TXNL4A: variants seen among roughly 807,000 people sequenced by gnomAD.
TXNL4A encodes thioredoxin-like protein 4A.
Under a neutral mutation model 14.6 loss-of-function variants are expected in TXNL4A, and 17 were observed. The ratio of observed to expected loss-of-function variants is 1.16; its 90% CI spans 0.80 to 1.74. The LOEUF (loss-of-function observed/expected upper bound fraction) is 1.74, where lower values mean the gene tolerates loss of function less well. Ranked by LOEUF, TXNL4A falls within the 40% of genes most tolerant of loss-of-function variation. The pLI is 0.00. For synonymous variants in TXNL4A, 83 were observed against 70.6 expected (o/e 1.18, Z -0.88); for missense variants, 74 against 195.2 (o/e 0.38, Z 3.70).
intron 1 of TXNL4A, among the ~76,000 whole-genome samples, chr18:80,018,699 A>G (rs1169751116): frequency 6.6e-6 from 1 of 152,244 alleles, no homozygotes; most frequent in East Asian, 1.9e-4. Flanking sequence ...AGAGAATACT[A>G]CAAACACCTC....
intron 1 of TXNL4A, among the ~76,000 whole-genome samples, chr18:80,032,150 T>C (rs2051925615): frequency 6.6e-6 from 1 of 152,136 alleles, no homozygotes; most frequent in South Asian, 2.1e-4. Context: ...TTTTTTCCTT[T>C]CCTCCCTATT....
chr18:79,998,527 T>C (rs1221751525), intron 1 of TXNL4A, among the ~76,000 whole-genome samples: 4 of 150,378 alleles, frequency 2.7e-5, no homozygotes, highest in African/African-American at 9.8e-5. Context: ...TCCAGGGTAC[T>C]GATCCAGAAA....
At chr18:80,019,156 C>T (rs4799123) in intron 1 of TXNL4A, among the ~76,000 whole-genome samples, 71,106 of 151,992 alleles carry the variant, frequency 0.47, 17,246 homozygotes, top group East Asian at 0.75. Flanking sequence ...CAGCAACACC[C>T]GACTCTACTG....
upstream of TXNL4A, among the ~76,000 whole-genome samples, chr18:79,991,468 C>G (rs1263916883): frequency 6.6e-6 from 1 of 151,980 alleles, no homozygotes; most frequent in African/African-American, 2.4e-5. Flanking sequence ...TTTTTAATTG[C>G]TGATGAATAT....
rs976786430 is a variant in TXNL4A at position 79,982,252 on chromosome 18, G to A, written c.154-4551C>T. 1.2e-4 allele frequency among the ~76,000 whole-genome samples: 18 copies of A among 152,172 alleles called. No individual in the cohort carries two copies. Among genetic ancestry groups the A allele is most frequent in the Non-Finnish European group, 2.9e-5 (2 of 68,026 alleles). On this transcript the variant is annotated intron_variant, in intron 1 of 2. Transcript: ENST00000269601. This position sits in a 1 kb window ranked among gnomAD's most constrained non-coding sequence, Gnocchi z 4.0. ...GGACAGTGGGGACCGATGCGCAGGT[G>A]GACTGGCCCACAGAGGACCTTTTCC... is the stretch of plus-strand genomic sequence containing the variant.
intron 2 of TXNL4A, among the ~76,000 whole-genome samples, chr18:79,975,347 T>C (rs887300359): frequency 6.6e-6 from 1 of 152,194 alleles, no homozygotes; most frequent in East Asian, 1.9e-4. Flanking sequence ...AAAGTACCGT[T>C]TGTCTTAAAA....
chr18:79,988,624 T>C (rs115904884), upstream of TXNL4A: 3,261 of 367,656 alleles, frequency 8.9e-3, 96 homozygotes, highest in African/African-American at 0.064. Flanking sequence ...GCGCCGTGCG[T>C]GCTGACGGCA....
At chr18:80,001,079 C>CG in intron 1 of TXNL4A, among the ~76,000 whole-genome samples, 1 of 152,336 alleles carries the variant, frequency 6.6e-6, no homozygotes, top group East Asian at 1.9e-4. Context: ...CAGGGCCCCC[C>CG]TGCTGTGTGC....
Position 79,988,563 on chromosome 18 carries a change from T to G in TXNL4A, c.-171A>C. 3.1e-6 allele frequency: 2 copies of G among 653,408 alleles called. No homozygotes were observed. The highest frequency in any genetic ancestry group is 4.3e-6 in the Non-Finnish European group (2 of 461,688). 40.5% of individuals were successfully genotyped at this position (653,408 alleles called of 1,614,324 possible). A position where few individuals can be genotyped will look rare whatever the true frequency, so the allele number is the denominator to read the frequency against. ...TGGGACTGCCACCCGGCAGAACGTCTGGGCGCGCACGCACCGACGCCGTGC... is the reference window on the plus strand; with the variant it reads ...TGGGACTGCCACCCGGCAGAACGTCGGGGCGCGCACGCACCGACGCCGTGC... On this transcript the variant is annotated 5_prime_UTR_variant, in exon 1 of 3. Coordinates refer to ENST00000269601, the MANE Select transcript of TXNL4A (RefSeq NM_006701.5).
upstream of TXNL4A, among the ~76,000 whole-genome samples, chr18:79,990,825 C>T (rs929423018): frequency 6.6e-6 from 1 of 152,196 alleles, no homozygotes; most frequent in Non-Finnish European, 1.5e-5. Context: ...AAACTTTTGG[C>T]CGGGCGCGGT....
chr18:80,024,939 A>T (rs140641200), intron 1 of TXNL4A, among the ~76,000 whole-genome samples: 40 of 152,380 alleles, frequency 2.6e-4, no homozygotes, highest in Non-Finnish European at 2.8e-4. Context: ...CAAGTCCTCT[A>T]AGACCCCAGC....
At chr18:79,998,355 G>T (rs1003513923) in intron 1 of TXNL4A, among the ~76,000 whole-genome samples, 2 of 151,818 alleles carry the variant, frequency 1.3e-5, no homozygotes, top group Non-Finnish European at 2.9e-5. Flanking sequence ...ACCTCTCTAT[G>T]CATACCTAAA....
intron 2 of TXNL4A, chr18:79,976,785 TAACTA>T (rs981154231): frequency 2.2e-6 from 1 of 456,120 alleles, no homozygotes; most frequent in African/African-American, 2.0e-5. Flanking sequence ...ACCTCTATGG[TAACTA>T]AACAAGTAAA....
At chr18:79,981,934 C>A (rs1484887860) in intron 1 of TXNL4A, among the ~76,000 whole-genome samples, 2 of 144,272 alleles carry the variant, frequency 1.4e-5, no homozygotes, top group Non-Finnish European at 3.1e-5. Context: ...TCTTTCAACA[C>A]CTCTAAATAG....
chr18:79,998,360 C>T (rs1276682303), intron 1 of TXNL4A, among the ~76,000 whole-genome samples: 1 of 151,914 alleles, frequency 6.6e-6, no homozygotes, highest in Non-Finnish European at 1.5e-5. Flanking sequence ...TCTATGCATA[C>T]CTAAAAAATG....
At chr18:79,993,558 G>A (rs189252113), upstream of TXNL4A, among the ~76,000 whole-genome samples, 4 of 152,268 alleles carry the variant, frequency 2.6e-5, no homozygotes, top group East Asian at 3.9e-4. This position sits in a 1 kb window ranked among gnomAD's most constrained non-coding sequence, Gnocchi z 4.4. Flanking sequence ...TATAATTTGC[G>A]TGATCACTGT....
Position 79,977,734 on chromosome 18 carries a change from A to G in TXNL4A, c.154-33T>C, listed in dbSNP as rs755600989. On this transcript the variant is annotated intron_variant, in intron 1 of 2. Coordinates refer to ENST00000269601, the MANE Select transcript of TXNL4A (RefSeq NM_006701.5). The stretch of plus-strand genomic sequence containing the variant: ...GAGATTAAAAAAAAAAACTGAAATA[A>G]CAGAACACTTTGGCTTTCATTTTAT... 7.0e-6 allele frequency: 9 copies of G among 1,288,442 alleles called. No homozygotes were observed. In the East Asian group the frequency reaches 1.8e-4, roughly 26 times the overall value. The allele number at this position is 1,288,442 out of a possible 1,614,324, so 79.8% of individuals were successfully genotyped here. A position where few individuals can be genotyped will look rare whatever the true frequency, so the allele number is the denominator to read the frequency against.
intron 1 of TXNL4A, 117 bp downstream of exon 1, chr18:79,988,123 C>A: frequency 8.1e-7 from 1 of 1,235,070 alleles, no homozygotes; most frequent in Non-Finnish European, 1.0e-6. Flanking sequence ...GCCTGAACGA[C>A]GGAGCCGCGG....
intron 1 of TXNL4A, among the ~76,000 whole-genome samples, chr18:80,007,305 C>T (rs1222230164): frequency 2.0e-5 from 3 of 152,190 alleles, no homozygotes; most frequent in Non-Finnish European, 2.9e-5. Context: ...CCTGAATGCA[C>T]AATTTCTGTC....
Sources: allele counts gnomAD v4.1 joint callset (sites outside exome capture counted in the v4.1 genomes callset), GRCh38; gene constraint gnomAD v4.1.1; non-coding constraint Gnocchi (gnomAD v3.1); transcripts MANE v1.5; gene names NCBI Gene and HGNC (gene_info 2026-07-23, HGNC 2026-07-21).